Variants in DNAJC13 observed in about 807,000 individuals in gnomAD.
The protein encoded by DNAJC13 is DnaJ heat shock protein family (Hsp40) member C13.
A neutral mutation model predicts 290.5 loss-of-function variants in DNAJC13; 75 were observed. The observed-to-expected ratio is 0.26, with a 90% CI of 0.21 to 0.31. The LOEUF (loss-of-function observed/expected upper bound fraction) is 0.31. Ranked by LOEUF, DNAJC13 falls within the 10% of genes least tolerant of loss-of-function variation. The pLI is 1.00. For missense variants in DNAJC13, 2,260 were observed against 2,674.5 expected, an observed-to-expected ratio of 0.85 and a Z score of 3.42; for synonymous variants, 862 against 892.0, an observed-to-expected ratio of 0.97 and a Z score of 0.60.
At chr3:132,486,238 C>T (rs927237705) in intron 29 of DNAJC13, among the ~76,000 whole-genome samples, 2 of 151,924 alleles carry the variant, frequency 1.3e-5, no homozygotes, top group African/African-American at 4.8e-5. Flanking sequence ...ATTACCACAT[C>T]CCCTTTCCTG....
chr3:132,494,936 ATCTT>A (rs1935184392), intron 34 of DNAJC13, 148 bp from the exon 35 acceptor site: 1 of 456,206 alleles, frequency 2.2e-6, no homozygotes, highest in African/African-American at 2.0e-5. Flanking sequence ...AAAAAAAAAA[ATCTT>A]AATTCTTTCT....
intron 54 of DNAJC13, among the ~76,000 whole-genome samples, chr3:132,530,261 T>A (rs369129164): frequency 5.3e-5 from 8 of 152,200 alleles, no homozygotes; most frequent in African/African-American, 1.9e-4. Context: ...TCAGAGACAG[T>A]CTGTCTTTCT....
chr3:132,465,547 T>C (rs1049013924), intron 17 of DNAJC13, among the ~76,000 whole-genome samples: 3 of 152,140 alleles, frequency 2.0e-5, no homozygotes, highest in African/African-American at 7.2e-5. Context: ...TGAAAATAAT[T>C]TTCTCTCTGA....
At chr3:132,429,176 G>A (rs892361883) in intron 1 of DNAJC13, among the ~76,000 whole-genome samples, 1 of 152,150 alleles carries the variant, frequency 6.6e-6, no homozygotes, top group Non-Finnish European at 1.5e-5. Flanking sequence ...GCTTAAAATT[G>A]TAGATTTCAA....
Position 132,450,846 on chromosome 3 carries a change from T to G in DNAJC13, c.536T>G (p.Leu179Trp), listed in dbSNP as rs1192055347. 1 of 1,515,380 alleles carries G rather than the reference T, an allele frequency of 6.6e-7. No homozygotes were observed. The highest frequency in any genetic ancestry group is 9.0e-7 in the Non-Finnish European group (1 of 1,113,274). 93.9% of individuals were successfully genotyped at this position (1,515,380 alleles called of 1,614,324 possible). A position where few individuals can be genotyped will look rare whatever the true frequency, so the allele number is the denominator to read the frequency against. The change falls in exon 6 of 56, where the codon TTG becomes TGG. Residue 179 changes from leucine to tryptophan, a missense_variant and splice_region_variant. Leu to Trp is a moderately conservative substitution (Grantham distance 61). Around this residue, in one of 3 missense-constraint regions of DNAJC13, gnomAD observed 762 missense variants for 964.1 expected, o/e 0.79. Transcript: ENST00000260818. ...FCILYGGFSR[L>W]HLFASEQREE... The stretch of plus-strand genomic sequence containing the variant: ...ATACTTTATGGAGGATTTAGTAGAT[T>G]GGTAAGTACTATTTTAAAAAAAAAA...
intron 2 of DNAJC13, among the ~76,000 whole-genome samples, chr3:132,440,623 G>A (rs1324613623): frequency 2.0e-5 from 3 of 152,202 alleles, no homozygotes; most frequent in Non-Finnish European, 1.5e-5. Flanking sequence ...GGAGCAATAA[G>A]CTATACCTTG....
At chr3:132,523,768 GTGTTT>G in intron 51 of DNAJC13, 55 bp downstream of exon 51, 2 of 1,533,224 alleles carry the variant, frequency 1.3e-6, no homozygotes, top group East Asian at 4.5e-5. Context: ...TAGACTGATG[GTGTTT>G]CTCTTACAAC....
At chr3:132,518,785 C>A (rs1209537697) in intron 48 of DNAJC13, among the ~76,000 whole-genome samples, 1 of 152,176 alleles carries the variant, frequency 6.6e-6, no homozygotes, top group African/African-American at 2.4e-5. Context: ...CGATCATAAT[C>A]AATTTTAGGT....
At chr3:132,434,754 A>C (rs944927371) in intron 2 of DNAJC13, 136 bp downstream of exon 2, 10 of 547,698 alleles carry the variant, frequency 1.8e-5, no homozygotes, top group African/African-American at 1.7e-4. Flanking sequence ...GCATATTATA[A>C]ATGTAAATGC....
chr3:132,476,702 G>A (rs1171539474), intron 22 of DNAJC13, among the ~76,000 whole-genome samples: 1 of 152,164 alleles, frequency 6.6e-6, no homozygotes, highest in Non-Finnish European at 1.5e-5. Flanking sequence ...AGGCTTCTTA[G>A]AAAACACCAA....
Position 132,462,475 on chromosome 3 carries a change from C to T in DNAJC13, c.1722C>T (p.Ser574=). 1 of 1,608,680 alleles carries T rather than the reference C, an allele frequency of 6.2e-7. No individual in the cohort carries two copies. The highest frequency in any genetic ancestry group is 8.5e-7 in the Non-Finnish European group (1 of 1,178,312). Residue 574 remains serine (S), a synonymous_variant, in exon 16 of 56, where the codon TCC becomes TCT. Coordinates refer to ENST00000260818, the MANE Select transcript of DNAJC13 (RefSeq NM_015268.4). ...TCCCCCTCACTTTAAAGCATCCTTC[C>T]ATGGCAATAATAAAAGGAGCTGGGT... The part of the protein sequence containing the change: ...RTLFKLFQHP[S]MAIIKGAGLV...
rs371299824 is a variant in DNAJC13 at position 132,494,244 on chromosome 3, C to T, written c.3926C>T (p.Pro1309Leu). The T allele has an allele frequency of 3.1e-6, 5 of 1,612,638 alleles. No individual in the cohort carries two copies. The highest frequency in any genetic ancestry group is 2.2e-5 in the East Asian group (1 of 44,822). The change falls in exon 34 of 56, where the codon CCT becomes CTT. Residue 1309 changes from proline (P) to leucine (L), a missense_variant. Physicochemically the swap from Pro to Leu is moderately conservative, Grantham distance 98. Coordinates refer to ENST00000260818, the MANE Select transcript of DNAJC13 (RefSeq NM_015268.4). ...GATGCTTATGAAGTGCTTAATCTGCCTCAAGGACAGGGACCGTGAGTTGTT... is the reference window on the plus strand; with the variant it reads ...GATGCTTATGAAGTGCTTAATCTGCTTCAAGGACAGGGACCGTGAGTTGTT... The part of the protein sequence containing the change: ...IDDAYEVLNL[P>L]QGQGPHDESK...
chr3:132,448,046 A>G, intron 5 of DNAJC13, 107 bp downstream of exon 5: 1 of 740,868 alleles, frequency 1.3e-6, no homozygotes, highest in Non-Finnish European at 2.1e-6. Flanking sequence ...AGCTAAAGGG[A>G]AAAGAAACAA....
At chr3:132,506,997 T>A (rs2107726874) in intron 42 of DNAJC13, among the ~76,000 whole-genome samples, 1 of 152,348 alleles carries the variant, frequency 6.6e-6, no homozygotes, top group Non-Finnish European at 1.5e-5. Context: ...AAGACCTTTG[T>A]TAGCTGACCT....
chr3:132,507,485 TAACAAATCAAAGG>T, intron 43 of DNAJC13, 132 bp downstream of exon 43: 1 of 634,244 alleles, frequency 1.6e-6, no homozygotes, highest in Non-Finnish European at 2.7e-6. Flanking sequence ...TTTTTTTTTT[TAACAAATCAAAGG>T]TTTTTGGCAA....
At chr3:132,454,037 G>T (rs755981031) in intron 8 of DNAJC13, 29 bp from the exon 9 acceptor site, 35 of 1,506,030 alleles carry the variant, frequency 2.3e-5, no homozygotes, top group Non-Finnish European at 2.8e-5. Flanking sequence ...ACTTTTTTTT[G>T]TTGAAGCTAT....
At chr3:132,483,130 T>C (rs968708551) in intron 27 of DNAJC13, among the ~76,000 whole-genome samples, 2 of 152,130 alleles carry the variant, frequency 1.3e-5, no homozygotes, top group African/African-American at 4.8e-5. Context: ...ACCCCACCTG[T>C]CATTTTTACT....
chr3:132,433,356 G>A (rs1939290229), intron 1 of DNAJC13, among the ~76,000 whole-genome samples: 1 of 152,140 alleles, frequency 6.6e-6, no homozygotes, highest in South Asian at 2.1e-4. Flanking sequence ...CTCAGCCTCA[G>A]AATAATACCA....
chr3:132,512,711 C>T (rs1038775111), intron 44 of DNAJC13, among the ~76,000 whole-genome samples: 1 of 152,092 alleles, frequency 6.6e-6, no homozygotes, highest in African/African-American at 2.4e-5. Flanking sequence ...TACTACCTTA[C>T]ACTTTAGATT....
Sources: allele counts gnomAD v4.1 joint callset (sites outside exome capture counted in the v4.1 genomes callset), GRCh38; gene constraint gnomAD v4.1.1; regional missense constraint gnomAD v4.1.1; transcripts MANE v1.5; gene names NCBI Gene and HGNC (gene_info 2026-07-23, HGNC 2026-07-21).